HNRNPAB: variants seen among roughly 807,000 people sequenced by gnomAD.
HNRNPAB encodes the protein ABBP-1.
In HNRNPAB, 17 loss-of-function variants were observed where a neutral mutation model predicts 44.1. The ratio of observed to expected loss-of-function variants is 0.39; its 90% CI spans 0.26 to 0.58. The LOEUF is 0.58. HNRNPAB is among the 20% of genes least tolerant of loss of function. The pLI is 0.63. For missense variants in HNRNPAB, 393 were observed against 432.7 expected, an observed-to-expected ratio of 0.91 and a Z score of 0.81; for synonymous variants, 183 against 167.6, an observed-to-expected ratio of 1.09 and a Z score of -0.71.
intron 5 of HNRNPAB, among the ~76,000 whole-genome samples, 173 bp downstream of exon 5, chr5:178,207,398 T>TGA (rs1757116284): frequency 6.6e-6 from 1 of 152,108 alleles, no homozygotes; most frequent in Non-Finnish European, 1.5e-5. Context: ...TTGAAAGACT[T>TGA]CTCAGGCTGG....
In HNRNPAB at chr5:178,210,707, G is replaced by A; in HGVS notation, c.*84G>A. 3 of 1,102,562 alleles carry A rather than the reference G, an allele frequency of 2.7e-6. No individual in the cohort carries two copies. Among genetic ancestry groups the A allele is most frequent in the Non-Finnish European group, 4.2e-6 (3 of 722,654 alleles). 68.3% of individuals were successfully genotyped at this position (1,102,562 alleles called of 1,614,324 possible). A position where few individuals can be genotyped will look rare whatever the true frequency, so the allele number is the denominator to read the frequency against. Reference sequence around the variant, plus strand: ...CACAATTATGTACCAAATTTAACTTGGCAAACTTTCTATTGCCTGTCCCAT... The same window carrying A: ...CACAATTATGTACCAAATTTAACTTAGCAAACTTTCTATTGCCTGTCCCAT... On this transcript the variant is annotated 3_prime_UTR_variant, in exon 8 of 8. Coordinates refer to ENST00000358344, the MANE Select transcript of HNRNPAB (RefSeq NM_031266.3).
intron 6 of HNRNPAB, among the ~76,000 whole-genome samples, chr5:178,209,695 G>C (rs993924574): frequency 6.6e-6 from 1 of 152,176 alleles, no homozygotes; most frequent in African/African-American, 2.4e-5. Context: ...TGGGGGAGGG[G>C]ATGTGATGGG....
chr5:178,210,959 A>AACC lies in HNRNPAB; in HGVS notation c.*338_*340dup, dbSNP rs1227941952. 17 of 300,404 alleles carry AACC rather than the reference A, an allele frequency of 5.7e-5. No individual in the cohort carries two copies. In the Admixed American group the frequency reaches 7.1e-4, roughly 13 times the overall value. 18.6% of individuals were successfully genotyped at this position (300,404 alleles called of 1,614,324 possible). A position where few individuals can be genotyped will look rare whatever the true frequency, so the allele number is the denominator to read the frequency against. On this transcript the variant is annotated 3_prime_UTR_variant, in exon 8 of 8. Coordinates refer to ENST00000358344, the MANE Select transcript of HNRNPAB (RefSeq NM_031266.3). ...GTAAAGAGTAAATTGTATCTTAGGAAACCAGTGTCACCTTTTTTTCACCTT... is the reference window on the plus strand; with the variant it reads ...GTAAAGAGTAAATTGTATCTTAGGAAACCACCAGTGTCACCTTTTTTTCACCTT...
intron 2 of HNRNPAB, 127 bp from the exon 3 acceptor site, chr5:178,205,715 T>TA: frequency 1.2e-6 from 1 of 815,882 alleles, no homozygotes. Context: ...AACATCTTTC[T>TA]AAGGTGCTCC....
rs757662992 is a variant in HNRNPAB, at chr5:178,210,153, A to T, written c.809A>T (p.Gln270Leu). Residue 270 changes from glutamine (Q) to leucine (L), a missense_variant, in exon 7 of 8, where the codon CAG (glutamine) becomes CTG (leucine). By Grantham distance (113) the Gln-to-Leu change is moderately radical. Coordinates refer to ENST00000358344, the MANE Select transcript of HNRNPAB (RefSeq NM_031266.3). ...GGGGQSQSWN[Q>L]GYGNYWNQGY... ...ACAGGTCAGAGTCAGAGTTGGAATC[A>T]GGGCTACGGCAACTACTGGAACCAG... is the stretch of plus-strand genomic sequence containing the variant. The T allele has an allele frequency of 5.6e-6, 9 of 1,613,930 alleles. No homozygotes were observed. The Admixed American group carries it at 8.3e-5, about 15-fold the overall frequency.
rs748557865 is a variant in HNRNPAB, at chr5:178,209,437, T to C, written c.777T>C (p.Gly259=). 1.2e-6 allele frequency: 2 copies of C among 1,613,286 alleles called. No homozygotes were observed. The highest frequency in any genetic ancestry group is 3.3e-5 in the Admixed American group (2 of 59,994). ...NRGNRGSGGG[G]GGGGQSQSWN... Reference sequence around the variant, plus strand: ...GGAACCGAGGCAGCGGAGGTGGTGGTGGAGGTGGAGGTGAGTGGAACGTGG... The same window carrying C: ...GGAACCGAGGCAGCGGAGGTGGTGGCGGAGGTGGAGGTGAGTGGAACGTGG... Residue 259 remains glycine, a synonymous_variant, in exon 6 of 8, where the codon GGT becomes GGC. Coordinates refer to ENST00000358344, the MANE Select transcript of HNRNPAB (RefSeq NM_031266.3).
At chr5:178,205,161 C>A in intron 2 of HNRNPAB, 115 bp downstream of exon 2, 1 of 705,752 alleles carries the variant, frequency 1.4e-6, no homozygotes, top group Non-Finnish European at 1.9e-6. Context: ...GCTGGTGCGG[C>A]CCGCGGACTG....
At chr5:178,210,295 C>T in intron 7 of HNRNPAB, 23 bp downstream of exon 7, 1 of 1,613,984 alleles carries the variant, frequency 6.2e-7, no homozygotes, top group Non-Finnish European at 8.5e-7. Flanking sequence ...GAGGGAGGCC[C>T]CATCCGCTCA....
chr5:178,206,076 C>T, intron 3 of HNRNPAB, 66 bp downstream of exon 3: 1 of 1,451,604 alleles, frequency 6.9e-7, no homozygotes, highest in African/African-American at 1.4e-5. Context: ...GGACACCTTT[C>T]TTAAAGCATG....
rs1758022210 is a variant in HNRNPAB, at chr5:178,210,727, T to G, written c.*104T>G. 1 of 836,218 alleles carries G rather than the reference T, an allele frequency of 1.2e-6. No individual in the cohort carries two copies. The highest frequency in any genetic ancestry group is 2.0e-6 in the Non-Finnish European group (1 of 492,154). 51.8% of individuals were successfully genotyped at this position (836,218 alleles called of 1,614,324 possible). On this transcript the variant is annotated 3_prime_UTR_variant, in exon 8 of 8. Transcript: ENST00000358344. Reference sequence around the variant, plus strand: ...AACTTGGCAAACTTTCTATTGCCTGTCCCATGTGCATCTTATTTAAAATTT... The same window carrying G: ...AACTTGGCAAACTTTCTATTGCCTGGCCCATGTGCATCTTATTTAAAATTT...
chr5:178,210,572 C>A lies in HNRNPAB; in HGVS notation c.948C>A (p.Tyr316Ter). 6.2e-7 allele frequency: 1 copy of A among 1,614,078 alleles called. No homozygotes were observed. The highest frequency in any genetic ancestry group is 8.5e-7 in the Non-Finnish European group (1 of 1,179,940). Residue 316 changes from tyrosine (Y) to a stop codon, truncating the protein, a stop_gained, in exon 8 of 8, where the codon TAC (tyrosine) becomes TAA (stop). Transcript: ENST00000358344. LOFTEE classifies it high-confidence loss of function. ...GYDYSQGSTNYGKSQRRGGHQ... is the reference protein window; with the variant it reads ...GYDYSQGSTN ...CCCTAGGTCAGGGTAGTACAAACTA[C>A]GGCAAGAGCCAGCGACGTGGTGGCC...
At chr5:178,207,014 G>T in intron 4 of HNRNPAB, 80 bp from the exon 5 acceptor site, 1 of 1,590,378 alleles carries the variant, frequency 6.3e-7, no homozygotes, top group South Asian at 1.1e-5. Flanking sequence ...TGTCTTCAAT[G>T]GGGTCTTTTC....
In HNRNPAB at chr5:178,210,228, A is replaced by G. The variant is rs758451196; in HGVS notation, c.884A>G (p.Tyr295Cys). Residue 295 changes from tyrosine to cysteine, a missense_variant, in exon 7 of 8, where the codon TAC becomes TGC. Around this residue, in one of 3 missense-constraint regions of HNRNPAB, gnomAD observed 210 missense variants for 196.9 expected, o/e 1.07. Coordinates refer to ENST00000358344, the MANE Select transcript of HNRNPAB (RefSeq NM_031266.3). Reference sequence around the variant, plus strand: ...GGGCCTGGCTATGGCGGCTACGACTACTCGCCCTATGGCTATTACGGCTAC... The same window carrying G: ...GGGCCTGGCTATGGCGGCTACGACTGCTCGCCCTATGGCTATTACGGCTAC... Reference protein sequence around the residue: ...GYGPGYGGYDYSPYGYYGYGP... With the variant: ...GYGPGYGGYDCSPYGYYGYGP... The G allele has an allele frequency of 1.2e-6, 2 of 1,613,186 alleles. No homozygotes were observed. Among genetic ancestry groups the G allele is most frequent in the Admixed American group, 1.7e-5 (1 of 59,966 alleles).
At position 178,205,907 on chromosome 5, in the gene HNRNPAB, A is replaced by G; in HGVS notation, c.275A>G (p.Lys92Arg). 6.2e-7 allele frequency: 1 copy of G among 1,614,124 alleles called. No homozygotes were observed. The highest frequency in any genetic ancestry group is 1.3e-5 in the African/African-American group (1 of 75,036). ...SKKDLKDYFTKFGEVVDCTIK... is the reference protein window; with the variant it reads ...SKKDLKDYFTRFGEVVDCTIK... ...AAAGATTTAAAAGACTATTTTACTA[A>G]ATTTGGAGAGGTCGTTGACTGTACA... The change falls in exon 3 of 8, where the codon AAA becomes AGA. Residue 92 changes from lysine to arginine, a missense_variant. This residue lies in a region of HNRNPAB where 102 missense variants were observed against 162.3 expected (regional missense o/e 0.63). Coordinates refer to ENST00000358344, the MANE Select transcript of HNRNPAB (RefSeq NM_031266.3).
intron 3 of HNRNPAB, among the ~76,000 whole-genome samples, chr5:178,206,312 A>G (rs1384613071): frequency 1.3e-5 from 2 of 152,236 alleles, no homozygotes; most frequent in African/African-American, 2.4e-5. Flanking sequence ...CATGATTGGT[A>G]TGATAGGCTT....
intron 3 of HNRNPAB, 21 bp from the exon 4 acceptor site, chr5:178,206,711 G>A (rs1442431347): frequency 6.2e-7 from 1 of 1,611,988 alleles, no homozygotes. Context: ...GAGTCAGCCT[G>A]ACCCCTTTCT....
At chr5:178,205,405 G>C (rs1757012806) in intron 2 of HNRNPAB, among the ~76,000 whole-genome samples, 1 of 152,136 alleles carries the variant, frequency 6.6e-6, no homozygotes, top group South Asian at 2.1e-4. Context: ...GAGTTGGCGC[G>C]AGCCGGGGCC....
At chr5:178,209,264 GGT>G in intron 5 of HNRNPAB, 64 bp from the exon 6 acceptor site, 1 of 1,200,240 alleles carries the variant, frequency 8.3e-7, no homozygotes. Context: ...TCGCAGTGAA[GGT>G]GTTTGGGCAG....
chr5:178,207,476 G>A (rs1757121031), intron 5 of HNRNPAB, among the ~76,000 whole-genome samples: 1 of 152,154 alleles, frequency 6.6e-6, no homozygotes, highest in Admixed American at 6.5e-5. Flanking sequence ...GAATAGAGCA[G>A]GTTGAGTAGC....
Sources: allele counts gnomAD v4.1 joint callset (sites outside exome capture counted in the v4.1 genomes callset), GRCh38; gene constraint gnomAD v4.1.1; regional missense constraint gnomAD v4.1.1; transcripts MANE v1.5; gene names NCBI Gene and HGNC (gene_info 2026-07-23, HGNC 2026-07-21).